MCTP1: variants seen among roughly 807,000 people sequenced by gnomAD.
MCTP1 encodes the protein multiple C2 and transmembrane domain-containing protein 1.
In MCTP1, 69 loss-of-function variants were observed where a neutral mutation model predicts 120.6. The observed-to-expected ratio is 0.57, with a 90% CI of 0.47 to 0.70. The LOEUF is 0.70. MCTP1 is among the 30% of genes least tolerant of loss of function. The probability of loss-of-function intolerance (pLI) is 0.00; values close to 1 mark genes in which losing one functional copy is unlikely to be tolerated. For synonymous variants in MCTP1, 529 were observed against 493.1 expected (o/e 1.07, Z -0.96); for missense variants, 1,203 against 1,248.8 (o/e 0.96, Z 0.55).
At chr5:94,842,931 T>C (rs1366093589) in intron 17 of MCTP1, among the ~76,000 whole-genome samples, 1 of 151,680 alleles carries the variant, frequency 6.6e-6, no homozygotes, top group African/African-American at 2.4e-5. Flanking sequence ...GGGGACAGAG[T>C]ATTTGCTTTG....
Position 94,912,980 on chromosome 5 carries a change from T to C in MCTP1, c.1351-4A>G. The C allele has an allele frequency of 6.3e-7, 1 of 1,584,420 alleles. No individual in the cohort carries two copies. The highest frequency in any genetic ancestry group is 8.6e-7 in the Non-Finnish European group (1 of 1,168,056). ...GGCGTAAACTTTGGGTCTGAAACTT[T>C]TGGCAAATGAAAATTGAGTTAGGTT... On this transcript the variant is annotated splice_polypyrimidine_tract_variant and splice_region_variant and intron_variant, in intron 8 of 22. Transcript: ENST00000515393.
intron 1 of MCTP1, among the ~76,000 whole-genome samples, chr5:95,060,684 G>T (rs1199486676): frequency 6.6e-6 from 1 of 151,998 alleles, no homozygotes; most frequent in African/African-American, 2.4e-5. Flanking sequence ...ATTTAAAGAA[G>T]AATCTGGCCG....
At chr5:94,924,105 G>C in intron 6 of MCTP1, 84 bp from the exon 7 acceptor site, 1 of 855,030 alleles carries the variant, frequency 1.2e-6, no homozygotes, top group Non-Finnish European at 1.7e-6. Flanking sequence ...TAAAATCAAA[G>C]CAAATAAAAA....
In MCTP1 at chr5:95,216,019, A is replaced by G. The variant is rs372318941; in HGVS notation, c.720+67837T>C. 6.7e-4 allele frequency among the ~76,000 whole-genome samples: 102 copies of G among 152,334 alleles called. 2 individuals carry two copies. The South Asian group carries it at 0.021, about 31-fold the overall frequency. On this transcript the variant is annotated intron_variant, in intron 1 of 22. Coordinates refer to ENST00000515393, the MANE Select transcript of MCTP1 (RefSeq NM_024717.7). ...TTAATGTCTATGAACAGAAATTAAG[A>G]TATTTCTTTATTTGAAAAACTAAAA...
intron 2 of MCTP1, among the ~76,000 whole-genome samples, chr5:94,991,883 A>AT (rs960035431): frequency 4.3e-4 from 64 of 150,182 alleles, no homozygotes; most frequent in African/African-American, 1.2e-3. Flanking sequence ...ATCTCAAAAA[A>AT]AAATAAAAAT....
chr5:94,919,579 T>C (rs75375575), intron 7 of MCTP1, among the ~76,000 whole-genome samples: 1,675 of 152,238 alleles, frequency 0.011, 27 homozygotes, highest in African/African-American at 0.038. Context: ...CAATAAGCCA[T>C]GTGTGGAATC....
chr5:95,166,506 C>T (rs1386531638), intron 1 of MCTP1, among the ~76,000 whole-genome samples: 1 of 151,752 alleles, frequency 6.6e-6, no homozygotes, highest in Non-Finnish European at 1.5e-5. Flanking sequence ...TTTTTTTCTA[C>T]TTGAAATTGT....
intron 1 of MCTP1, among the ~76,000 whole-genome samples, chr5:95,077,475 T>TA (rs1661544727): frequency 6.6e-6 from 1 of 151,926 alleles, no homozygotes; most frequent in Non-Finnish European, 1.5e-5. Context: ...TCATTATATA[T>TA]ACTTTTTTTT....
chr5:94,875,214 A>G (rs1175643523), intron 12 of MCTP1, among the ~76,000 whole-genome samples: 1 of 152,178 alleles, frequency 6.6e-6, no homozygotes, highest in Non-Finnish European at 1.5e-5. Flanking sequence ...AAAGGGCTGC[A>G]GAGAAAGTCG....
intron 2 of MCTP1, among the ~76,000 whole-genome samples, chr5:94,967,064 A>G (rs1476946205): frequency 9.9e-5 from 15 of 152,220 alleles, no homozygotes; most frequent in Non-Finnish European, 1.6e-4. Context: ...TTTGGCTATT[A>G]TGTAAAAATA....
chr5:94,784,507 T>G (rs546332266), intron 18 of MCTP1, among the ~76,000 whole-genome samples: 1 of 152,164 alleles, frequency 6.6e-6, no homozygotes, highest in African/African-American at 2.4e-5. Context: ...TCTCACAAGA[T>G]TTTTGAGAAG....
At chr5:95,269,727 G>A (rs1391660074) in intron 1 of MCTP1, among the ~76,000 whole-genome samples, 1 of 152,178 alleles carries the variant, frequency 6.6e-6, no homozygotes, top group Admixed American at 6.5e-5. Context: ...TATGGCCTTG[G>A]TAGCAATCAG....
intron 1 of MCTP1, among the ~76,000 whole-genome samples, chr5:95,064,648 G>A (rs572813215): frequency 6.6e-6 from 1 of 152,284 alleles, no homozygotes; most frequent in Non-Finnish European, 1.5e-5. Context: ...AGGTGCAGTG[G>A]ACTCTACTCA....
intron 19 of MCTP1, among the ~76,000 whole-genome samples, chr5:94,746,602 A>G (rs906047068): frequency 1.3e-5 from 2 of 152,250 alleles, no homozygotes; most frequent in South Asian, 4.1e-4. Flanking sequence ...CAACAAATAT[A>G]AGACATTTTT....
At position 95,057,911 on chromosome 5, in the gene MCTP1, G is replaced by A. The variant is rs147540687; in HGVS notation, c.721-40427C>T. On this transcript the variant is annotated intron_variant, in intron 1 of 22. Transcript: ENST00000515393. ...ATCCTCTGAACAACATTTACTCTCC[G>A]TCTCCATTTCATAGAACTTATTCCA... is the stretch of plus-strand genomic sequence containing the variant. 4.6e-5 allele frequency among the ~76,000 whole-genome samples: 7 copies of A among 152,242 alleles called. No individual in the cohort carries two copies. The South Asian group carries it at 1.2e-3, about 27-fold the overall frequency.
chr5:95,211,044 A>T (rs865853211), intron 1 of MCTP1, among the ~76,000 whole-genome samples: 1 of 150,466 alleles, frequency 6.6e-6, no homozygotes, highest in Non-Finnish European at 1.5e-5. Flanking sequence ...CGAGAGATCC[A>T]CTGTTAGTCT....
intron 1 of MCTP1, among the ~76,000 whole-genome samples, chr5:95,270,270 T>C (rs1421305837): frequency 6.6e-6 from 1 of 152,198 alleles, no homozygotes; most frequent in Non-Finnish European, 1.5e-5. Flanking sequence ...CAGACTCTGG[T>C]GACATAGACC....
At chr5:94,726,575 C>T (rs1296052972) in intron 19 of MCTP1, among the ~76,000 whole-genome samples, 15 of 42,602 alleles carry the variant, frequency 3.5e-4, no homozygotes, top group African/African-American at 1.7e-3. Context: ...GTATGGGGCC[C>T]GCAAAGTTTT....
intron 17 of MCTP1, among the ~76,000 whole-genome samples, chr5:94,857,928 C>A (rs1380610450): frequency 1.3e-5 from 2 of 151,564 alleles, no homozygotes; most frequent in Non-Finnish European, 3.0e-5. Flanking sequence ...TAATTTTACG[C>A]TGGAATAATT....
Sources: allele counts gnomAD v4.1 joint callset (sites outside exome capture counted in the v4.1 genomes callset), GRCh38; gene constraint gnomAD v4.1.1; transcripts MANE v1.5; gene names NCBI Gene and HGNC (gene_info 2026-07-23, HGNC 2026-07-21).